TNS3: variants seen among roughly 807,000 people sequenced by gnomAD.
TNS3 encodes the protein tensin-3.
A neutral mutation model predicts 140.9 loss-of-function variants in TNS3; 45 were observed. The observed-to-expected ratio is 0.32, with a 90% CI of 0.25 to 0.41. The LOEUF is 0.41. Among genes scored for constraint, TNS3 ranks in the 10% least tolerant of loss-of-function variants. The pLI is 1.00. For synonymous variants in TNS3, 815 were observed against 788.4 expected, an observed-to-expected ratio of 1.03 and a Z score of -0.56; for missense variants, 1,716 against 1,906.7, an observed-to-expected ratio of 0.90 and a Z score of 1.86.
intron 3 of TNS3, among the ~76,000 whole-genome samples, chr7:47,501,437 G>A (rs903098513): frequency 5.9e-5 from 9 of 152,298 alleles, no homozygotes; most frequent in East Asian, 3.9e-4. Context: ...AGGTGGGGAC[G>A]AGAGTCTGCA....
intron 10 of TNS3, among the ~76,000 whole-genome samples, chr7:47,423,079 G>A (rs1794463690): frequency 6.6e-6 from 1 of 152,170 alleles, no homozygotes; most frequent in African/African-American, 2.4e-5. Context: ...AGGTGCCTCT[G>A]GTGATGCTTG....
At chr7:47,340,577 T>TTTTTTTTCTTTTA (rs1562611150) in intron 20 of TNS3, among the ~76,000 whole-genome samples, 1 of 73,146 alleles carries the variant, frequency 1.4e-5, no homozygotes, top group Non-Finnish European at 3.6e-5. Flanking sequence ...TGGGATTTTC[T>TTTTTTTTCTTTTA]TTTTTTTCTT....
rs539245917 is a variant in TNS3 at position 47,363,230 on chromosome 7, C to G, written c.2281+5135G>C. On this transcript the variant is annotated intron_variant, in intron 17 of 30. Coordinates refer to ENST00000311160, the MANE Select transcript of TNS3 (RefSeq NM_022748.12). Reference sequence around the variant, plus strand: ...ACCACCATCAACATCACCATCATTACAATCAACACCACCACCATATCCATC... The same window carrying G: ...ACCACCATCAACATCACCATCATTAGAATCAACACCACCACCATATCCATC... 4.4e-3 allele frequency among the ~76,000 whole-genome samples: 652 copies of G among 149,600 alleles called. 5 individuals are homozygous for G. Among genetic ancestry groups the G allele is most frequent in the African/African-American group, 0.012 (487 of 40,782 alleles).
chr7:47,371,950 C>T (rs1791097194), intron 16 of TNS3, among the ~76,000 whole-genome samples: 1 of 152,214 alleles, frequency 6.6e-6, no homozygotes, highest in African/African-American at 2.4e-5. Flanking sequence ...TAAAGGTTGA[C>T]CTGAGAATTA....
At chr7:47,434,266 C>G (rs1795066957) in intron 8 of TNS3, among the ~76,000 whole-genome samples, 2 of 145,308 alleles carry the variant, frequency 1.4e-5, no homozygotes, top group African/African-American at 5.1e-5. Context: ...TTCCATAATA[C>G]AATGGATTTC....
At chr7:47,411,150 G>A (rs948935879) in intron 13 of TNS3, among the ~76,000 whole-genome samples, 4 of 152,146 alleles carry the variant, frequency 2.6e-5, no homozygotes, top group African/African-American at 9.7e-5. Context: ...GTGAGTGGCC[G>A]AGTTAGGACA....
At chr7:47,450,739 C>T (rs1263557170) in intron 4 of TNS3, among the ~76,000 whole-genome samples, 3 of 152,210 alleles carry the variant, frequency 2.0e-5, no homozygotes, top group African/African-American at 7.2e-5. Context: ...CTCCTGCTTA[C>T]CCAGGGGCCA....
chr7:47,496,879 G>T (rs974337148), intron 3 of TNS3, among the ~76,000 whole-genome samples: 4 of 152,216 alleles, frequency 2.6e-5, no homozygotes, highest in Non-Finnish European at 5.9e-5. Context: ...GGGTGAGCCT[G>T]TGCAAATGCA....
chr7:47,470,636 C>G, intron 4 of TNS3: 1 of 985,446 alleles, frequency 1.0e-6, no homozygotes, highest in Non-Finnish European at 1.2e-6. Context: ...AATGCAGCAA[C>G]CCTGAACCAC....
chr7:47,395,699 G>T (rs906218521), intron 16 of TNS3, among the ~76,000 whole-genome samples: 1 of 152,122 alleles, frequency 6.6e-6, no homozygotes, highest in Non-Finnish European at 1.5e-5. Context: ...TACTTTACAG[G>T]CCAGAGCAAA....
intron 1 of TNS3, among the ~76,000 whole-genome samples, chr7:47,543,222 C>A (rs926572153): frequency 1.3e-5 from 2 of 152,232 alleles, no homozygotes; most frequent in Non-Finnish European, 2.9e-5. Context: ...CCAGAAGGGA[C>A]AGTGTAACAG....
At chr7:47,320,233 G>A (rs1236353312) in intron 20 of TNS3, among the ~76,000 whole-genome samples, 1 of 152,136 alleles carries the variant, frequency 6.6e-6, no homozygotes, top group Non-Finnish European at 1.5e-5. Flanking sequence ...GGAGGCCGAG[G>A]CTTCAGCACT....
chr7:47,398,371 A>AAG lies in TNS3; in HGVS notation c.920-1468_920-1467insCT, dbSNP rs367871631. 5.4e-3 allele frequency among the ~76,000 whole-genome samples: 821 copies of AAG among 152,272 alleles called. 9 individuals carry two copies. Among genetic ancestry groups the AAG allele is most frequent in the African/African-American group, 0.019 (778 of 41,538 alleles). ...AAAGAATATAACAAACAAACAAACAAAAAAGAAAATCACAGACAAATATCC... is the reference window on the plus strand; with the variant it reads ...AAAGAATATAACAAACAAACAAACAAAGAAAAGAAAATCACAGACAAATATCC... On this transcript the variant is annotated intron_variant, in intron 15 of 30. Transcript: ENST00000311160.
At chr7:47,366,431 C>T (rs1408873217) in intron 17 of TNS3, among the ~76,000 whole-genome samples, 3 of 152,166 alleles carry the variant, frequency 2.0e-5, no homozygotes, top group Admixed American at 6.5e-5. Flanking sequence ...TGGATGTGAA[C>T]GAGCGTTTCT....
At chr7:47,474,262 A>G (rs1797078467) in intron 4 of TNS3, among the ~76,000 whole-genome samples, 1 of 149,416 alleles carries the variant, frequency 6.7e-6, no homozygotes, top group Admixed American at 6.6e-5. Flanking sequence ...CATCACATAC[A>G]CAAAACACTT....
chr7:47,394,745 C>T (rs771343905), intron 16 of TNS3, among the ~76,000 whole-genome samples: 2 of 152,252 alleles, frequency 1.3e-5, no homozygotes, highest in Admixed American at 6.5e-5. Flanking sequence ...GAACACTCAA[C>T]TGATTTTCTG....
chr7:47,335,855 C>T (rs975461699), intron 20 of TNS3, among the ~76,000 whole-genome samples: 3 of 152,114 alleles, frequency 2.0e-5, no homozygotes, highest in African/African-American at 7.2e-5. Context: ...CCTAGAACTG[C>T]CTGAGCTCAC....
intron 4 of TNS3, among the ~76,000 whole-genome samples, chr7:47,446,691 T>TC: frequency 1.7e-5 from 1 of 59,348 alleles, no homozygotes; most frequent in Non-Finnish European, 4.2e-5. Flanking sequence ...AGGCTGCCTT[T>TC]TTTTTTTTTT....
rs370083525 is a variant in TNS3 at position 47,522,927 on chromosome 7, C to CAAAAAA, written c.-153+6103_-153+6108dup. On this transcript the variant is annotated intron_variant, in intron 2 of 30. Transcript: ENST00000311160. ...TGGGTGACAGAGCGAGACTCCATCT[C>CAAAAAA]AAAAAAAAAAAGAGTTTCTATTGTT... 5.4e-3 allele frequency among the ~76,000 whole-genome samples: 751 copies of CAAAAAA among 139,522 alleles called. 6 individuals carry two copies. The highest frequency in any genetic ancestry group is 0.01 in the African/African-American group (385 of 37,684). 91.5% of individuals were successfully genotyped at this position (139,522 alleles called of 152,430 possible).
Sources: gnomAD v4.1 joint callset for allele counts (sites outside exome capture counted in the v4.1 genomes callset) on GRCh38, gnomAD v4.1.1 for gene constraint, MANE v1.5 for transcripts, NCBI Gene and HGNC (gene_info 2026-07-23, HGNC 2026-07-21) for gene names.